Variants in GRM1 observed in about 807,000 individuals in gnomAD.
GRM1 encodes the protein metabotropic glutamate receptor 1.
GRM1 carries 33 observed loss-of-function variants against 90.9 expected under a neutral mutation model. That is an observed-to-expected ratio of 0.36 (90% CI 0.28 to 0.49). The LOEUF (loss-of-function observed/expected upper bound fraction) is 0.49, where lower values mean the gene tolerates loss of function less well. Among genes scored for constraint, GRM1 ranks in the 20% least tolerant of loss-of-function variants. GRM1 has a pLI of 0.99. For synonymous variants in GRM1, 700 were observed against 613.2 expected, an observed-to-expected ratio of 1.14 and a Z score of -2.09; for missense variants, 1,190 against 1,534.3, an observed-to-expected ratio of 0.78 and a Z score of 3.75.
chr6:146,375,837 A>T (rs1776079955), intron 5 of GRM1, among the ~76,000 whole-genome samples: 1 of 151,976 alleles, frequency 6.6e-6, no homozygotes, highest in Non-Finnish European at 1.5e-5. Context: ...ATGTCTTTTG[A>T]TTGGAGAATC....
intron 2 of GRM1, among the ~76,000 whole-genome samples, chr6:146,174,147 T>G (rs527329254): frequency 9.9e-5 from 15 of 152,276 alleles, no homozygotes; most frequent in Non-Finnish European, 1.0e-4. Flanking sequence ...AATCATGTCC[T>G]GAAAATTCAG....
At chr6:146,072,259 A>C (rs1776040347) in intron 1 of GRM1, among the ~76,000 whole-genome samples, 1 of 152,144 alleles carries the variant, frequency 6.6e-6, no homozygotes, top group African/African-American at 2.4e-5. Flanking sequence ...CTCTTAATTG[A>C]CCTGCTCAGA....
intron 6 of GRM1, among the ~76,000 whole-genome samples, chr6:146,387,257 G>T (rs1320244339): frequency 6.6e-6 from 1 of 152,092 alleles, no homozygotes; most frequent in African/African-American, 2.4e-5. Context: ...TGCTATTATA[G>T]AGTTGTTTTC....
At chr6:146,123,914 T>C (rs1248136388) in intron 1 of GRM1, among the ~76,000 whole-genome samples, 1 of 152,192 alleles carries the variant, frequency 6.6e-6, no homozygotes, top group Non-Finnish European at 1.5e-5. Context: ...GCAAGATTGA[T>C]ACATATGCTC....
intron 2 of GRM1, among the ~76,000 whole-genome samples, chr6:146,294,544 A>T (rs1220828153): frequency 6.6e-6 from 1 of 152,124 alleles, no homozygotes; most frequent in East Asian, 1.9e-4. Flanking sequence ...TCTGTTAAGA[A>T]GGAGACCTTA....
intron 1 of GRM1, among the ~76,000 whole-genome samples, chr6:146,036,165 G>A (rs904658312): frequency 6.6e-6 from 1 of 151,970 alleles, no homozygotes; most frequent in Admixed American, 6.6e-5. Flanking sequence ...GCAGTGACTG[G>A]AGTGATGGGT....
intron 1 of GRM1, among the ~76,000 whole-genome samples, chr6:146,148,888 AT>A (rs1777212272): frequency 6.6e-6 from 1 of 152,144 alleles, no homozygotes; most frequent in African/African-American, 2.4e-5. Flanking sequence ...GTTTTTGATT[AT>A]ATACCAATAC....
rs188721001 is a variant in GRM1 at position 146,131,732 on chromosome 6, T to A, written c.701-27616T>A. Among the ~76,000 whole-genome samples, 239 of 152,300 alleles carry A rather than the reference T, an allele frequency of 1.6e-3. 1 individual carries two copies. The highest frequency in any genetic ancestry group is 5.6e-3 in the African/African-American group (231 of 41,580). On this transcript the variant is annotated intron_variant, in intron 1 of 7. Transcript: ENST00000282753. ...TAGGCACTGTTCTGGACAAAGGTGA[T>A]ACAGACATGACCCTTATCTTTAGAA...
At chr6:146,099,036 C>T (rs1457728193) in intron 1 of GRM1, among the ~76,000 whole-genome samples, 1 of 152,066 alleles carries the variant, frequency 6.6e-6, no homozygotes, top group Non-Finnish European at 1.5e-5. Context: ...ATGTAACTTT[C>T]ACAAAGAAAA....
At chr6:146,241,264 A>G (rs1253664241) in intron 2 of GRM1, among the ~76,000 whole-genome samples, 3 of 152,118 alleles carry the variant, frequency 2.0e-5, no homozygotes, top group Non-Finnish European at 4.4e-5. Context: ...ATTTTCTTCA[A>G]CAAATGAGAC....
chr6:146,399,434 C>T lies in GRM1; in HGVS notation c.2395C>T (p.Leu799=), dbSNP rs1777075539. ...CATGTACACCACCTGTATCATCTGG[C>T]TAGCTTTTGTGCCCATTTACTTTGG... ...FTMYTTCIIW[L]AFVPIYFGSN... Residue 799 remains leucine (L), a synonymous_variant, in exon 7 of 8, where the codon CTA becomes TTA. Coordinates refer to ENST00000282753, the MANE Select transcript of GRM1 (RefSeq NM_001278064.2). This position sits in a 1 kb window ranked among gnomAD's most constrained non-coding sequence, Gnocchi z 5.4. The T allele has an allele frequency of 6.2e-7, 1 of 1,614,064 alleles. No individual in the cohort carries two copies. The highest frequency in any genetic ancestry group is 1.7e-5 in the Admixed American group (1 of 60,006).
At chr6:146,275,941 AC>A (rs1339646056) in intron 2 of GRM1, among the ~76,000 whole-genome samples, 3 of 152,134 alleles carry the variant, frequency 2.0e-5, no homozygotes. Flanking sequence ...TATTATTTGT[AC>A]ATCTTTTTAT....
chr6:146,061,429 G>A (rs1300804009), intron 1 of GRM1, among the ~76,000 whole-genome samples: 2 of 151,962 alleles, frequency 1.3e-5, no homozygotes, highest in Non-Finnish European at 2.9e-5. Flanking sequence ...TTGAATGCCT[G>A]TACTGAAATG....
At chr6:146,106,389 G>C (rs1372309380) in intron 1 of GRM1, among the ~76,000 whole-genome samples, 1 of 152,170 alleles carries the variant, frequency 6.6e-6, no homozygotes, top group African/African-American at 2.4e-5. Flanking sequence ...ATCATAGATA[G>C]TAGGAAATGA....
chr6:146,349,246 AT>A (rs67705028), intron 3 of GRM1, among the ~76,000 whole-genome samples: 68,368 of 140,536 alleles, frequency 0.49, 16,024 homozygotes, highest in South Asian at 0.55. Flanking sequence ...TTTTTTTTTT[AT>A]TTTTTTTTTA....
At chr6:146,206,778 T>A (rs1779509885) in intron 2 of GRM1, among the ~76,000 whole-genome samples, 1 of 152,124 alleles carries the variant, frequency 6.6e-6, no homozygotes, top group Admixed American at 6.6e-5. Flanking sequence ...TACCCAGTTA[T>A]CTTTTCTGCT....
rs371232374 is a variant in GRM1 at position 146,243,532 on chromosome 6, T to G, written c.951-61079T>G. Among the ~76,000 whole-genome samples, 8 of 151,996 alleles carry G rather than the reference T, an allele frequency of 5.3e-5. No individual in the cohort carries two copies. In the East Asian group the frequency reaches 1.5e-3, roughly 29 times the overall value. ...CAATGTAAGAACAGTTCTGCCTTCT[T>G]CGTTATTGGGGGTGATTTTCAAAGG... On this transcript the variant is annotated intron_variant, in intron 2 of 7. Transcript: ENST00000282753.
chr6:146,398,367 G>T (rs1185909487), intron 6 of GRM1, among the ~76,000 whole-genome samples: 1 of 152,154 alleles, frequency 6.6e-6, no homozygotes, highest in Non-Finnish European at 1.5e-5. Flanking sequence ...GAAAAGTTTT[G>T]TTAGTTTATT....
intron 7 of GRM1, among the ~76,000 whole-genome samples, chr6:146,404,488 A>G (rs1214790113): frequency 3.9e-5 from 6 of 152,178 alleles, no homozygotes; most frequent in Non-Finnish European, 7.4e-5. Context: ...AGTCCAGTTA[A>G]TGGAGTAGTA....
Sources: allele counts gnomAD v4.1 joint callset (sites outside exome capture counted in the v4.1 genomes callset), GRCh38; gene constraint gnomAD v4.1.1; non-coding constraint Gnocchi (gnomAD v3.1); transcripts MANE v1.5; gene names NCBI Gene and HGNC (gene_info 2026-07-23, HGNC 2026-07-21).